Variants in FUBP1 observed in about 807,000 individuals in gnomAD.
The protein encoded by FUBP1 is far upstream element binding protein 1.
FUBP1 carries 16 observed loss-of-function variants against 94.9 expected under a neutral mutation model. The observed-to-expected ratio is 0.17, with a 90% confidence interval of 0.11 to 0.26. The LOEUF is 0.26. Among genes scored for constraint, FUBP1 ranks in the 10% least tolerant of loss-of-function variants. The probability of loss-of-function intolerance (pLI) is 1.00; values close to 1 mark genes in which losing one functional copy is unlikely to be tolerated. For missense variants in FUBP1, 583 were observed against 808.6 expected (o/e 0.72, Z 3.38); for synonymous variants, 279 against 254.9 (o/e 1.09, Z -0.90).
At chr1:77,961,090 G>C (rs1655390009) in intron 14 of FUBP1, among the ~76,000 whole-genome samples, 1 of 152,030 alleles carries the variant, frequency 6.6e-6, no homozygotes, top group Admixed American at 6.6e-5. Context: ...ATGTTTAATA[G>C]CACAAAAATT....
Position 77,945,312 on chromosome 1 carries a change from TAAAAC to T in FUBP1, c.*3449_*3453del, listed in dbSNP as rs1317136680. On this transcript the variant is annotated 3_prime_UTR_variant, in exon 20 of 20. Transcript: ENST00000370768. Reference sequence around the variant, plus strand: ...ATTGTACATACCTATCATTGACTATTAAAACATAACATACACATAAATGTGGTGTA... The same window carrying T: ...ATTGTACATACCTATCATTGACTATTATAACATACACATAAATGTGGTGTA... Among the ~76,000 whole-genome samples the T allele has an allele frequency of 6.6e-6, 1 of 151,978 alleles. No individual in the cohort carries two copies. The highest frequency in any genetic ancestry group is 1.5e-5 in the Non-Finnish European group (1 of 67,882).
intron 19 of FUBP1, 106 bp from the exon 20 acceptor site, chr1:77,948,880 A>G (rs776170211): frequency 1.3e-6 from 2 of 1,481,794 alleles, no homozygotes; most frequent in Non-Finnish European, 1.9e-6. Context: ...TGGTTAATAT[A>G]AATGGTGGTG....
intron 1 of FUBP1, among the ~76,000 whole-genome samples, chr1:77,974,270 G>C (rs549247213): frequency 1.3e-5 from 2 of 151,632 alleles, no homozygotes; most frequent in Non-Finnish European, 2.9e-5. Flanking sequence ...TGAGTAGCTG[G>C]GACTACAGGC....
rs1246240414 is a variant in FUBP1 at position 77,944,869 on chromosome 1, T to C, written c.*3897A>G. On this transcript the variant is annotated 3_prime_UTR_variant, in exon 20 of 20. Transcript: ENST00000370768. ...TTTTTTATATTAAAAAATAAAACTA[T>C]ACTTCTCATTTCTAAAAGAAACATC... 6.6e-6 allele frequency among the ~76,000 whole-genome samples: 1 copy of C among 151,980 alleles called. No individual in the cohort carries two copies. The highest frequency in any genetic ancestry group is 1.5e-5 in the Non-Finnish European group (1 of 67,868).
At chr1:77,951,035 C>G (rs886422430) in intron 18 of FUBP1, among the ~76,000 whole-genome samples, 1 of 152,166 alleles carries the variant, frequency 6.6e-6, no homozygotes, top group African/African-American at 2.4e-5. Flanking sequence ...TTACAAGACA[C>G]AATTCAAGCA....
chr1:77,962,658 T>C (rs1655719213), intron 14 of FUBP1, 112 bp downstream of exon 14: 5 of 595,984 alleles, frequency 8.4e-6, no homozygotes, highest in Non-Finnish European at 5.8e-6. Context: ...ATGAAATCTA[T>C]AAATGCTGAC....
At chr1:77,966,436 C>T (rs1656513763) in intron 7 of FUBP1, among the ~76,000 whole-genome samples, 1 of 152,132 alleles carries the variant, frequency 6.6e-6, no homozygotes, top group Admixed American at 6.5e-5. Context: ...CATTCTTCTC[C>T]AGGCTACACG....
chr1:77,951,238 G>C (rs753901848), intron 18 of FUBP1, among the ~76,000 whole-genome samples: 1 of 152,262 alleles, frequency 6.6e-6, no homozygotes. Context: ...GTAGAAACAG[G>C]CATATGCATC....
rs1558004116 is a variant in FUBP1 at position 77,944,598 on chromosome 1, A to T, written c.*4168T>A. 1.3e-5 allele frequency among the ~76,000 whole-genome samples: 2 copies of T among 151,930 alleles called. No homozygotes were observed. On this transcript the variant is annotated 3_prime_UTR_variant, in exon 20 of 20. Transcript: ENST00000370768. ...AAACAAGACATCCTCACTGATTAGT[A>T]AACTCTACATCATTATTCTACACAA... is the stretch of plus-strand genomic sequence containing the variant.
At chr1:77,948,917 G>A in intron 19 of FUBP1, 143 bp from the exon 20 acceptor site, 1 of 1,158,226 alleles carries the variant, frequency 8.6e-7, no homozygotes, top group Non-Finnish European at 1.3e-6. Flanking sequence ...GCAAATCCCT[G>A]GGGGAAGAAA....
chr1:77,960,266 G>A lies in FUBP1; in HGVS notation c.1497-3C>T. 1 of 1,612,834 alleles carries A rather than the reference G, an allele frequency of 6.2e-7. No homozygotes were observed. Among genetic ancestry groups the A allele is most frequent in the South Asian group, 1.1e-5 (1 of 90,962 alleles). On this transcript the variant is annotated splice_polypyrimidine_tract_variant and splice_region_variant and intron_variant, in intron 15 of 19. Coordinates refer to ENST00000370768, the MANE Select transcript of FUBP1 (RefSeq NM_003902.5). Reference sequence around the variant, plus strand: ...GAGCATATGGGGCTGGAGGACCACTGAAAAGAAAAATCAGCATAAAAAACA... The same window carrying A: ...GAGCATATGGGGCTGGAGGACCACTAAAAAGAAAAATCAGCATAAAAAACA...
intron 13 of FUBP1, 38 bp from the exon 14 acceptor site, chr1:77,962,968 A>AG (rs1387916766): frequency 6.9e-7 from 1 of 1,448,712 alleles, no homozygotes. Flanking sequence ...AAAGGTTTCA[A>AG]GGGTGTACTA....
At chr1:77,955,638 A>C (rs534687881) in intron 17 of FUBP1, among the ~76,000 whole-genome samples, 2 of 152,374 alleles carry the variant, frequency 1.3e-5, no homozygotes, top group African/African-American at 4.8e-5. Context: ...AAGTACAAAA[A>C]AGGAAAAGGC....
rs768226704 is a variant in FUBP1, at chr1:77,960,436, G to T, written c.1404C>A (p.Pro468=). ...GCCCTGGAGGCCCAGGAGGTCCATG[G>T]GGGCCTGGGACACCATGGGGCCCAT... The part of the protein sequence containing the change: ...VPHGPHGVPG[P]HGPPGPPGPG... The change falls in exon 15 of 20, where the codon CCC becomes CCA. Residue 468 remains proline (P), a synonymous_variant. Coordinates refer to ENST00000370768, the MANE Select transcript of FUBP1 (RefSeq NM_003902.5). 1 of 1,593,314 alleles carries T rather than the reference G, an allele frequency of 6.3e-7. No homozygotes were observed. Among genetic ancestry groups the T allele is most frequent in the Non-Finnish European group, 8.5e-7 (1 of 1,174,710 alleles).
rs1179815871 is a variant in FUBP1, at chr1:77,944,729, T to C, written c.*4037A>G. ...CTTTCCCTCTGAAAGTACTCTGCTA[T>C]TCCTACCCAAACCCACCCTTATGAA... On this transcript the variant is annotated 3_prime_UTR_variant, in exon 20 of 20. Coordinates refer to ENST00000370768, the MANE Select transcript of FUBP1 (RefSeq NM_003902.5). Among the ~76,000 whole-genome samples the C allele has an allele frequency of 6.6e-6, 1 of 151,956 alleles. No individual in the cohort carries two copies. Among genetic ancestry groups the C allele is most frequent in the African/African-American group, 2.4e-5 (1 of 41,428 alleles).
chr1:77,957,675 T>C (rs1654715882), intron 16 of FUBP1, among the ~76,000 whole-genome samples: 1 of 152,154 alleles, frequency 6.6e-6, no homozygotes. Context: ...TTGAGAAAAA[T>C]GAGCAAGAAT....
In FUBP1 at chr1:77,947,701, C is replaced by T; in HGVS notation, c.*1065G>A. ...TGAGTGTTAAAGAGTAATAAAATGACTTCAAGTACATAAAAAAATTAAGTT... is the reference window on the plus strand; with the variant it reads ...TGAGTGTTAAAGAGTAATAAAATGATTTCAAGTACATAAAAAAATTAAGTT... On this transcript the variant is annotated 3_prime_UTR_variant, in exon 20 of 20. Transcript: ENST00000370768. 1.8e-6 allele frequency: 1 copy of T among 563,698 alleles called. No homozygotes were observed. Among genetic ancestry groups the T allele is most frequent in the East Asian group, 4.3e-5 (1 of 23,162 alleles). The allele number at this position is 563,698 out of a possible 1,614,324, so 34.9% of individuals were successfully genotyped here. A position where few individuals can be genotyped will look rare whatever the true frequency, so the allele number is the denominator to read the frequency against.
In FUBP1 at chr1:77,960,241, G is replaced by A. The variant is rs1325793979; in HGVS notation, c.1519C>T (p.Pro507Ser). The change falls in exon 16 of 20, where the codon CCC becomes TCC. Residue 507 changes from proline (P) to serine (S), a missense_variant. Coordinates refer to ENST00000370768, the MANE Select transcript of FUBP1 (RefSeq NM_003902.5). ...GGATATGCATTTCCCCATCCCTGGG[G>A]AGCATATGGGGCTGGAGGACCACTG... ...APHGPPAPYA[P>S]QGWGNAYPHW... 6.2e-7 allele frequency: 1 copy of A among 1,612,830 alleles called. No homozygotes were observed. Among genetic ancestry groups the A allele is most frequent in the African/African-American group, 1.3e-5 (1 of 74,968 alleles).
intron 12 of FUBP1, 85 bp from the exon 13 acceptor site, chr1:77,963,800 G>C (rs1655976542): frequency 9.0e-7 from 1 of 1,112,046 alleles, no homozygotes; most frequent in African/African-American, 1.6e-5. Context: ...ATTTTTCCCA[G>C]CTCTCATATA....
Sources: gnomAD v4.1 joint callset for allele counts (sites outside exome capture counted in the v4.1 genomes callset) on GRCh38, gnomAD v4.1.1 for gene constraint, MANE v1.5 for transcripts, NCBI Gene and HGNC (gene_info 2026-07-23, HGNC 2026-07-21) for gene names.